SLCO3A1: variants seen among roughly 807,000 people sequenced by gnomAD.
SLCO3A1 encodes the protein PGE1 transporter.
A neutral mutation model predicts 63.1 loss-of-function variants in SLCO3A1; 27 were observed. The ratio of observed to expected loss-of-function variants is 0.43; its 90% confidence interval spans 0.32 to 0.59. The LOEUF is 0.59. SLCO3A1 is among the 20% of genes least tolerant of loss of function. The pLI is 0.09. For missense variants in SLCO3A1, 773 were observed against 945.8 expected, an observed-to-expected ratio of 0.82 and a Z score of 2.40; for synonymous variants, 473 against 409.9, an observed-to-expected ratio of 1.15 and a Z score of -1.86.
rs1459208495 is a variant in SLCO3A1, at chr15:91,883,114, T to A, written c.180+29026T>A. Among the ~76,000 whole-genome samples, 1 of 152,214 alleles carries A rather than the reference T, an allele frequency of 6.6e-6. No homozygotes were observed. Among genetic ancestry groups the A allele is most frequent in the Non-Finnish European group, 1.5e-5 (1 of 68,040 alleles). ...CAGCCATTCAGATTCCAGTCCTCTC[T>A]GTCAGCTCCTCTTAATCTCCATGTT... On this transcript the variant is annotated intron_variant, in intron 1 of 9. Coordinates refer to ENST00000318445, the MANE Select transcript of SLCO3A1 (RefSeq NM_013272.4). The surrounding 1 kb of genome is among the most constrained non-coding windows in gnomAD (Gnocchi z 4.8).
At chr15:92,123,735 C>A (rs1468714808) in intron 5 of SLCO3A1, among the ~76,000 whole-genome samples, 1 of 152,222 alleles carries the variant, frequency 6.6e-6, no homozygotes, top group Non-Finnish European at 1.5e-5. Flanking sequence ...CCTGCTGACT[C>A]CTCTGCTGCT....
chr15:92,108,745 TTGC>T (rs889394876), intron 4 of SLCO3A1, among the ~76,000 whole-genome samples: 2 of 152,290 alleles, frequency 1.3e-5, no homozygotes, highest in African/African-American at 4.8e-5. Context: ...AGTCTCTTGT[TTGC>T]TGCTATTTCT....
chr15:91,869,300 C>G (rs1041353809), intron 1 of SLCO3A1, among the ~76,000 whole-genome samples: 1 of 152,112 alleles, frequency 6.6e-6, no homozygotes, highest in East Asian at 1.9e-4. Flanking sequence ...CTTTGGGAGG[C>G]CGAGGTGGGT....
intron 1 of SLCO3A1, chr15:91,908,359 G>A (rs1170956811): frequency 6.6e-6 from 1 of 152,110 alleles, no homozygotes; most frequent in African/African-American, 2.4e-5. Context: ...CATGATCCAA[G>A]CTAAATCATT....
chr15:91,988,432 T>C (rs2046082809), intron 2 of SLCO3A1, among the ~76,000 whole-genome samples: 1 of 152,140 alleles, frequency 6.6e-6, no homozygotes, highest in South Asian at 2.1e-4. Context: ...ATAAAACTAA[T>C]TTTATTTTTA....
At chr15:91,962,379 T>C (rs2151421989) in intron 2 of SLCO3A1, among the ~76,000 whole-genome samples, 1 of 148,722 alleles carries the variant, frequency 6.7e-6, no homozygotes, top group Non-Finnish European at 1.5e-5. Flanking sequence ...CTCTGGAGGC[T>C]GAGGCAGGAA....
intron 1 of SLCO3A1, among the ~76,000 whole-genome samples, chr15:91,909,429 CT>C (rs1898414205): frequency 6.6e-6 from 1 of 152,166 alleles, no homozygotes; most frequent in Non-Finnish European, 1.5e-5. Flanking sequence ...TACTGACTGG[CT>C]TTTTACAGAG....
chr15:91,966,534 C>G (rs573524261), intron 2 of SLCO3A1, among the ~76,000 whole-genome samples: 12 of 152,196 alleles, frequency 7.9e-5, no homozygotes, highest in African/African-American at 2.9e-4. Context: ...CACAAAACTG[C>G]GCTTCTGAAC....
At chr15:92,086,307 A>G (rs1001537501) in intron 2 of SLCO3A1, among the ~76,000 whole-genome samples, 7 of 152,180 alleles carry the variant, frequency 4.6e-5, no homozygotes, top group African/African-American at 1.4e-4. Flanking sequence ...CTCTTTAACC[A>G]GCTGAAACAC....
At position 92,165,867 on chromosome 15, in the gene SLCO3A1, CA is replaced by C; in HGVS notation, c.*2737del. On this transcript the variant is annotated 3_prime_UTR_variant, in exon 10 of 10. Coordinates refer to ENST00000318445, the MANE Select transcript of SLCO3A1 (RefSeq NM_013272.4). ...GTAAGATCATTGGATTTACAGAATA[CA>C]AAAATGTACGGGATGGAATAAACCT... 1.0e-6 allele frequency: 1 copy of C among 985,164 alleles called. No individual in the cohort carries two copies. The highest frequency in any genetic ancestry group is 1.2e-6 in the Non-Finnish European group (1 of 829,802). 61.0% of individuals were successfully genotyped at this position (985,164 alleles called of 1,614,324 possible).
In SLCO3A1 at chr15:92,150,975, T is replaced by TA; in HGVS notation, c.1715dup (p.Tyr572Ter). ...GACAGTCAGCCCTGAACTCAAGTCTTACGCTTTGGGAGTTCTTTTTCTCCT... is the reference window on the plus strand; with the variant it reads ...GACAGTCAGCCCTGAACTCAAGTCTTAACGCTTTGGGAGTTCTTTTTCTCCT... ...IRTVSPELKS[Y>*]ALGVLFLLLR... The change falls in exon 9 of 10, where the codon TAC (tyrosine) becomes TAAC (stop). Residue 572 changes from tyrosine to a stop codon, truncating the protein, a stop_gained and frameshift_variant. Coordinates refer to ENST00000318445, the MANE Select transcript of SLCO3A1 (RefSeq NM_013272.4). LOFTEE classifies it high-confidence loss of function. 1 of 1,613,400 alleles carries TA rather than the reference T, an allele frequency of 6.2e-7. No homozygotes were observed. The highest frequency in any genetic ancestry group is 8.5e-7 in the Non-Finnish European group (1 of 1,179,720).
chr15:91,943,196 G>A (rs8034107), intron 2 of SLCO3A1, among the ~76,000 whole-genome samples: 16,625 of 152,150 alleles, frequency 0.11, 1,158 homozygotes, highest in African/African-American at 0.19. Context: ...AGAATGTTTC[G>A]TGTTGCAAAA....
intron 3 of SLCO3A1, among the ~76,000 whole-genome samples, chr15:92,102,246 A>G (rs2047614025): frequency 6.6e-6 from 1 of 152,200 alleles, no homozygotes; most frequent in Non-Finnish European, 1.5e-5. Context: ...TTCAGCTACC[A>G]GAGGCAATTT....
At chr15:92,009,628 A>G (rs2046348031) in intron 2 of SLCO3A1, among the ~76,000 whole-genome samples, 1 of 152,196 alleles carries the variant, frequency 6.6e-6, no homozygotes, top group African/African-American at 2.4e-5. Context: ...AAGGTCAACA[A>G]GTCTCAGTTT....
rs564972153 is a variant in SLCO3A1 at position 91,923,250 on chromosome 15, T to C, written c.646+6792T>C. Among the ~76,000 whole-genome samples, 10 of 152,342 alleles carry C rather than the reference T, an allele frequency of 6.6e-5. No homozygotes were observed. In the South Asian group the frequency reaches 2.1e-3, roughly 32 times the overall value. On this transcript the variant is annotated intron_variant, in intron 2 of 9. Coordinates refer to ENST00000318445, the MANE Select transcript of SLCO3A1 (RefSeq NM_013272.4). Reference sequence around the variant, plus strand: ...CATCCTTATGGTCATAGCATCTCCATTTCCAGATGTAGAAATTAAGGCACA... The same window carrying C: ...CATCCTTATGGTCATAGCATCTCCACTTCCAGATGTAGAAATTAAGGCACA...
At chr15:92,156,694 G>A (rs1213421199) in intron 9 of SLCO3A1, among the ~76,000 whole-genome samples, 2 of 152,204 alleles carry the variant, frequency 1.3e-5, no homozygotes, top group Non-Finnish European at 2.9e-5. Context: ...ACACTTTTCA[G>A]CATCTCCCTT....
Position 91,968,716 on chromosome 15 carries a change from G to A in SLCO3A1, c.646+52258G>A, listed in dbSNP as rs540306658. Reference sequence around the variant, plus strand: ...AGACCCGCAAGCACAGCCTTCGCACGTGTGCTCACACAGCCGCAGTATTTA... The same window carrying A: ...AGACCCGCAAGCACAGCCTTCGCACATGTGCTCACACAGCCGCAGTATTTA... On this transcript the variant is annotated intron_variant, in intron 2 of 9. Coordinates refer to ENST00000318445, the MANE Select transcript of SLCO3A1 (RefSeq NM_013272.4). The surrounding 1 kb of genome is among the most constrained non-coding windows in gnomAD (Gnocchi z 4.2). Among the ~76,000 whole-genome samples the A allele has an allele frequency of 1.3e-5, 2 of 152,328 alleles. No individual in the cohort carries two copies. Among genetic ancestry groups the A allele is most frequent in the East Asian group, 1.9e-4 (1 of 5,178 alleles).
chr15:92,052,625 C>T (rs541880166), intron 2 of SLCO3A1, among the ~76,000 whole-genome samples: 2 of 152,136 alleles, frequency 1.3e-5, no homozygotes, highest in Non-Finnish European at 2.9e-5. Context: ...AAAATGCATT[C>T]CCTTATATGC....
chr15:91,875,725 A>C lies in SLCO3A1; in HGVS notation c.180+21637A>C, dbSNP rs917759465. 1.3e-5 allele frequency among the ~76,000 whole-genome samples: 2 copies of C among 152,246 alleles called. No individual in the cohort carries two copies. Among genetic ancestry groups the C allele is most frequent in the Non-Finnish European group, 2.9e-5 (2 of 68,040 alleles). ...GATGACTGAAAATCAGGTAATAAAC[A>C]TGAAGCAGTGACAGTGATTCTAGAG... On this transcript the variant is annotated intron_variant, in intron 1 of 9. Coordinates refer to ENST00000318445, the MANE Select transcript of SLCO3A1 (RefSeq NM_013272.4). This position sits in a 1 kb window ranked among gnomAD's most constrained non-coding sequence, Gnocchi z 4.5.
Sources: gnomAD v4.1 joint callset for allele counts (sites outside exome capture counted in the v4.1 genomes callset) on GRCh38, gnomAD v4.1.1 for gene constraint, Gnocchi (gnomAD v3.1) non-coding constraint, MANE v1.5 for transcripts, NCBI Gene and HGNC (gene_info 2026-07-23, HGNC 2026-07-21) for gene names.